FRMD5: variants seen among roughly 807,000 people sequenced by gnomAD.
The protein encoded by FRMD5 is FERM domain-containing protein 5.
Under a neutral mutation model 69.0 loss-of-function variants are expected in FRMD5, and 20 were observed. The observed-to-expected ratio is 0.29, with a 90% CI of 0.20 to 0.42. The LOEUF is 0.42. Ranked by LOEUF, FRMD5 falls within the 10% of genes least tolerant of loss-of-function variation. The probability of loss-of-function intolerance (pLI) is 1.00; values close to 1 mark genes in which losing one functional copy is unlikely to be tolerated. For synonymous variants in FRMD5, 271 were observed against 260.1 expected (o/e 1.04, Z -0.40); for missense variants, 595 against 708.6 (o/e 0.84, Z 1.82).
At chr15:43,889,905 G>C (rs1222982050) in intron 8 of FRMD5, among the ~76,000 whole-genome samples, 5 of 152,106 alleles carry the variant, frequency 3.3e-5, no homozygotes, top group African/African-American at 1.2e-4. Flanking sequence ...TAATTTCTAA[G>C]GAGATTTCCT....
At chr15:43,958,313 AC>A (rs1156400011) in intron 1 of FRMD5, among the ~76,000 whole-genome samples, 1 of 152,290 alleles carries the variant, frequency 6.6e-6, no homozygotes, top group African/African-American at 2.4e-5. Flanking sequence ...CCATTGATGG[AC>A]TGAAAATATA....
intron 8 of FRMD5, among the ~76,000 whole-genome samples, chr15:43,889,169 A>G (rs1432308176): frequency 6.6e-6 from 1 of 152,196 alleles, no homozygotes; most frequent in African/African-American, 2.4e-5. Flanking sequence ...GTCTAGGTAG[A>G]GTATCTGGGG....
At chr15:44,158,088 T>G (rs2077555441) in intron 1 of FRMD5, among the ~76,000 whole-genome samples, 1 of 152,202 alleles carries the variant, frequency 6.6e-6, no homozygotes, top group African/African-American at 2.4e-5. Context: ...GCAAAAGAAG[T>G]GACATAAAAG....
At chr15:44,186,638 C>T (rs2078107300) in intron 1 of FRMD5, among the ~76,000 whole-genome samples, 1 of 152,218 alleles carries the variant, frequency 6.6e-6, no homozygotes, top group East Asian at 1.9e-4. Context: ...ATTTTTCTGG[C>T]TCCCACAATA....
chr15:43,980,734 G>A (rs993314432), intron 1 of FRMD5, among the ~76,000 whole-genome samples: 1 of 152,088 alleles, frequency 6.6e-6, no homozygotes, highest in Non-Finnish European at 1.5e-5. Context: ...CTAGGAGACC[G>A]AAAATACATG....
At chr15:44,193,435 A>G (rs1395467036) in intron 1 of FRMD5, among the ~76,000 whole-genome samples, 3 of 152,226 alleles carry the variant, frequency 2.0e-5, no homozygotes, top group African/African-American at 7.2e-5. Context: ...CAAAACAAAA[A>G]AAGCAAAAAA....
chr15:44,195,996 T>G (rs1198367280), upstream of FRMD5, among the ~76,000 whole-genome samples: 4 of 152,200 alleles, frequency 2.6e-5, no homozygotes, highest in Admixed American at 2.6e-4. Flanking sequence ...AACTGGAAAT[T>G]ATGTCTTCAG....
At chr15:43,907,449 A>T (rs1010686197) in intron 5 of FRMD5, among the ~76,000 whole-genome samples, 6 of 151,750 alleles carry the variant, frequency 4.0e-5, no homozygotes, top group African/African-American at 1.2e-4. Flanking sequence ...AGCTCACTGT[A>T]GCCTCGACCT....
chr15:43,915,481 T>C (rs1424769804), intron 4 of FRMD5, among the ~76,000 whole-genome samples: 1 of 152,188 alleles, frequency 6.6e-6, no homozygotes, highest in Non-Finnish European at 1.5e-5. Context: ...ACCTGTTGTG[T>C]GTCAGACATT....
Position 43,917,141 on chromosome 15 carries a change from T to C in FRMD5, c.329+2318A>G, listed in dbSNP as rs577993265. On this transcript the variant is annotated intron_variant, in intron 4 of 13. Coordinates refer to ENST00000417257, the MANE Select transcript of FRMD5 (RefSeq NM_032892.5). ...AGATAACCATACATTTCCAGTCCTT[T>C]AATCAAATTGGAAAGCCATGTGTCT... Among the ~76,000 whole-genome samples, 5 of 152,268 alleles carry C rather than the reference T, an allele frequency of 3.3e-5. No individual in the cohort carries two copies. The South Asian group carries it at 6.2e-4, about 19-fold the overall frequency.
intron 1 of FRMD5, among the ~76,000 whole-genome samples, chr15:43,988,197 C>A (rs1458014535): frequency 6.6e-6 from 1 of 152,150 alleles, no homozygotes; most frequent in Non-Finnish European, 1.5e-5. Context: ...GTGGCCTGGT[C>A]TGTGGCCTGG....
intron 1 of FRMD5, among the ~76,000 whole-genome samples, chr15:43,925,154 G>A (rs557722149): frequency 1.2e-4 from 18 of 152,156 alleles, no homozygotes; most frequent in Admixed American, 3.9e-4. Context: ...ACAGGCATGT[G>A]CCACCACGTC....
intron 1 of FRMD5, among the ~76,000 whole-genome samples, chr15:44,058,621 C>T (rs1251700569): frequency 3.9e-5 from 6 of 151,910 alleles, no homozygotes; most frequent in Admixed American, 2.6e-4. Context: ...CCCGTCTCTA[C>T]TAAAAATACA....
intron 1 of FRMD5, among the ~76,000 whole-genome samples, chr15:44,172,062 C>T (rs1196999610): frequency 6.6e-6 from 1 of 151,472 alleles, no homozygotes; most frequent in African/African-American, 2.4e-5. Flanking sequence ...CCATACCCAG[C>T]CTCTGCTGGC....
At chr15:44,104,895 T>C (rs879798627) in intron 1 of FRMD5, among the ~76,000 whole-genome samples, 1 of 152,150 alleles carries the variant, frequency 6.6e-6, no homozygotes, top group Non-Finnish European at 1.5e-5. Flanking sequence ...GGCTCATCCA[T>C]GTAGAAAACA....
intron 1 of FRMD5, among the ~76,000 whole-genome samples, chr15:43,979,316 TA>T: frequency 6.8e-6 from 1 of 146,328 alleles, no homozygotes; most frequent in Admixed American, 6.9e-5. Flanking sequence ...GCCTGGGCTA[TA>T]AGAGTGAAAC....
intron 1 of FRMD5, among the ~76,000 whole-genome samples, chr15:44,161,020 A>G: frequency 6.6e-6 from 1 of 152,216 alleles, no homozygotes; most frequent in East Asian, 1.9e-4. Flanking sequence ...TCGTGGCACA[A>G]AAGAGTAAAT....
intron 10 of FRMD5, 53 bp from the exon 11 acceptor site, chr15:43,885,808 G>A (rs1448218840): frequency 7.9e-6 from 11 of 1,392,648 alleles, no homozygotes; most frequent in South Asian, 1.2e-5. Flanking sequence ...CCTCACACAG[G>A]TTAAGGCAGC....
chr15:44,025,540 G>C (rs1891395920), intron 1 of FRMD5, among the ~76,000 whole-genome samples: 1 of 152,148 alleles, frequency 6.6e-6, no homozygotes, highest in South Asian at 2.1e-4. Flanking sequence ...GTCAACATCA[G>C]AAGCAAGTCT....
Sources: gnomAD v4.1 joint callset for allele counts (sites outside exome capture counted in the v4.1 genomes callset) on GRCh38, gnomAD v4.1.1 for gene constraint, MANE v1.5 for transcripts, NCBI Gene and HGNC (gene_info 2026-07-23, HGNC 2026-07-21) for gene names.